Variants in NOL4 observed in about 807,000 individuals in gnomAD.
NOL4 encodes the protein cancer/testis antigen 125.
NOL4 carries 17 observed loss-of-function variants against 75.9 expected under a neutral mutation model. The observed-to-expected ratio is 0.22, with a 90% CI of 0.15 to 0.34. NOL4 has a LOEUF of 0.34. Among genes scored for constraint, NOL4 ranks in the 10% least tolerant of loss-of-function variants. The pLI is 1.00. For missense variants in NOL4, 614 were observed against 793.5 expected (o/e 0.77, Z 2.72); for synonymous variants, 292 against 289.9 (o/e 1.01, Z -0.07).
chr18:34,024,839 T>C (rs2075269090), intron 5 of NOL4, among the ~76,000 whole-genome samples: 1 of 152,204 alleles, frequency 6.6e-6, no homozygotes, highest in Non-Finnish European at 1.5e-5. Context: ...GTAGGATCCA[T>C]GTGGGCACTA....
At chr18:33,937,839 G>A (rs1230938317) in intron 9 of NOL4, among the ~76,000 whole-genome samples, 3 of 152,124 alleles carry the variant, frequency 2.0e-5, no homozygotes, top group Non-Finnish European at 2.9e-5. Flanking sequence ...TGCATAAACA[G>A]CTCTCCAGAT....
At chr18:33,983,649 C>T (rs1201374439) in intron 6 of NOL4, among the ~76,000 whole-genome samples, 1 of 148,546 alleles carries the variant, frequency 6.7e-6, no homozygotes, top group African/African-American at 2.5e-5. Flanking sequence ...TATGTATATA[C>T]ACATATACAC....
In NOL4 at chr18:34,104,133, T is replaced by A. The variant is rs765806668; in HGVS notation, c.553A>T (p.Thr185Ser). The A allele has an allele frequency of 6.2e-7, 1 of 1,611,084 alleles. No individual in the cohort carries two copies. The highest frequency in any genetic ancestry group is 1.7e-5 in the Admixed American group (1 of 59,894). Reference sequence around the variant, plus strand: ...GGCATGTTGTAGTCAATCATGCTGGTCACCAAAGTGGGAGGTTTTCCATTA... The same window carrying A: ...GGCATGTTGTAGTCAATCATGCTGGACACCAAAGTGGGAGGTTTTCCATTA... ...KDNGKPPTLVTSMIDYNMPIT... is the reference protein window; with the variant it reads ...KDNGKPPTLVSSMIDYNMPIT... Residue 185 changes from threonine (T) to serine (S), a missense_variant, in exon 4 of 11, where the codon ACC becomes TCC. Transcript: ENST00000261592.
At chr18:34,169,476 A>C (rs2032799226) in intron 1 of NOL4, among the ~76,000 whole-genome samples, 2 of 151,842 alleles carry the variant, frequency 1.3e-5, no homozygotes, top group South Asian at 2.1e-4. Context: ...GAAAAAAAAA[A>C]AAAACAGCAA....
At chr18:34,029,487 TA>T (rs1325981170) in intron 5 of NOL4, among the ~76,000 whole-genome samples, 1 of 152,218 alleles carries the variant, frequency 6.6e-6, no homozygotes, top group Non-Finnish European at 1.5e-5. Context: ...CACAGGGGCA[TA>T]TCCTTGGCTC....
In NOL4 at chr18:33,882,560, G is replaced by C. The variant is rs1489178924; in HGVS notation, c.1723+684C>G. On this transcript the variant is annotated intron_variant, in intron 10 of 10. Coordinates refer to ENST00000261592, the MANE Select transcript of NOL4 (RefSeq NM_003787.5). Reference sequence around the variant, plus strand: ...TCATTAAAAAGTCAGGAAACAACAGGTGCTGGAGAGGATGTGGAGAAATAG... The same window carrying C: ...TCATTAAAAAGTCAGGAAACAACAGCTGCTGGAGAGGATGTGGAGAAATAG... 7.7e-3 allele frequency among the ~76,000 whole-genome samples: 1,154 copies of C among 150,334 alleles called. 11 individuals carry two copies. Among genetic ancestry groups the C allele is most frequent in the African/African-American group, 0.026 (1,070 of 40,948 alleles).
chr18:34,119,156 C>T lies in NOL4; in HGVS notation c.414+10715G>A, dbSNP rs182769129. Among the ~76,000 whole-genome samples the T allele has an allele frequency of 7.6e-4, 115 of 152,286 alleles. 4 individuals are homozygous for T. Among genetic ancestry groups the T allele is most frequent in the Admixed American group, 7.3e-3 (112 of 15,298 alleles). On this transcript the variant is annotated intron_variant, in intron 2 of 10. Coordinates refer to ENST00000261592, the MANE Select transcript of NOL4 (RefSeq NM_003787.5). Reference sequence around the variant, plus strand: ...AACAATCAGTTAGACAAAAGACAGACATACTGGCCTGCCTAAACAAATTTG... The same window carrying T: ...AACAATCAGTTAGACAAAAGACAGATATACTGGCCTGCCTAAACAAATTTG...
At chr18:34,003,934 T>A (rs1276406581) in intron 6 of NOL4, among the ~76,000 whole-genome samples, 1 of 152,032 alleles carries the variant, frequency 6.6e-6, no homozygotes, top group East Asian at 1.9e-4. Context: ...CTGACCAGCA[T>A]TAACATCAAA....
At chr18:34,043,842 T>C (rs564913381) in intron 5 of NOL4, among the ~76,000 whole-genome samples, 2 of 152,168 alleles carry the variant, frequency 1.3e-5, no homozygotes, top group South Asian at 2.1e-4. Flanking sequence ...CGAAAACATA[T>C]AGGCCTGAAT....
chr18:33,917,565 A>C (rs1291715744), intron 9 of NOL4, among the ~76,000 whole-genome samples: 2 of 152,092 alleles, frequency 1.3e-5, no homozygotes, highest in African/African-American at 4.8e-5. Flanking sequence ...GTGTAATCAT[A>C]GCTCACTGCA....
At chr18:34,201,573 A>G (rs1346909345) in intron 1 of NOL4, among the ~76,000 whole-genome samples, 1 of 151,902 alleles carries the variant, frequency 6.6e-6, no homozygotes, top group Non-Finnish European at 1.5e-5. Context: ...GATACTTTTC[A>G]TCTGCATCCT....
chr18:34,223,884 G>C lies in NOL4; in HGVS notation c.-631C>G, dbSNP rs1172451787. ...ACCTTCCCCACGACGGGTGTTAAGG[G>C]ACTAGAAAGAGAAAGTTCTTACCTG... is the stretch of plus-strand genomic sequence containing the variant. On this transcript the variant is annotated 5_prime_UTR_variant, in exon 1 of 11. Transcript: ENST00000261592. 2 of 152,334 alleles carry C rather than the reference G, an allele frequency of 1.3e-5. No homozygotes were observed. Among genetic ancestry groups the C allele is most frequent in the Non-Finnish European group, 2.9e-5 (2 of 68,142 alleles). 9.4% of individuals were successfully genotyped at this position (152,334 alleles called of 1,614,324 possible). A position where few individuals can be genotyped will look rare whatever the true frequency, so the allele number is the denominator to read the frequency against.
chr18:34,190,701 ATTAT>A (rs2034849595), intron 1 of NOL4, among the ~76,000 whole-genome samples: 1 of 151,528 alleles, frequency 6.6e-6, no homozygotes, highest in Non-Finnish European at 1.5e-5. Flanking sequence ...TTAGGTTTTG[ATTAT>A]TTATAATTTA....
chr18:33,913,444 A>G (rs1424799563), intron 9 of NOL4, among the ~76,000 whole-genome samples: 2 of 152,168 alleles, frequency 1.3e-5, no homozygotes, highest in African/African-American at 4.8e-5. Context: ...TCCTAACGAT[A>G]CTATATTTCA....
At chr18:34,047,449 T>C (rs919011788) in intron 5 of NOL4, among the ~76,000 whole-genome samples, 8 of 152,108 alleles carry the variant, frequency 5.3e-5, no homozygotes, top group Admixed American at 3.3e-4. Flanking sequence ...TGTAGCCTGA[T>C]ACAATTTTCA....
At chr18:33,869,266 G>A (rs908459798) in intron 10 of NOL4, among the ~76,000 whole-genome samples, 5 of 151,900 alleles carry the variant, frequency 3.3e-5, no homozygotes, top group Admixed American at 3.3e-4. Flanking sequence ...TGATCCATTT[G>A]TTTTTAAACT....
intron 6 of NOL4, among the ~76,000 whole-genome samples, chr18:33,976,409 G>A (rs1252050011): frequency 6.6e-6 from 1 of 152,104 alleles, no homozygotes; most frequent in African/African-American, 2.4e-5. Context: ...ACCAATTTAA[G>A]TTTAAAATGT....
At position 34,153,435 on chromosome 18, in the gene NOL4, C is replaced by T. The variant is rs536066066; in HGVS notation, c.265-23415G>A. ...TTTGTTGAGTGCTTAATATGTACTC[C>T]AGACTGCTAAACACTTTACAAGTAT... On this transcript the variant is annotated intron_variant, in intron 1 of 10. Coordinates refer to ENST00000261592, the MANE Select transcript of NOL4 (RefSeq NM_003787.5). Among the ~76,000 whole-genome samples, 4 of 151,976 alleles carry T rather than the reference C, an allele frequency of 2.6e-5. No homozygotes were observed. In the East Asian group the frequency reaches 7.7e-4, roughly 29 times the overall value.
intron 10 of NOL4, among the ~76,000 whole-genome samples, chr18:33,881,177 G>T (rs2064245705): frequency 6.6e-6 from 1 of 150,928 alleles, no homozygotes; most frequent in South Asian, 2.1e-4. Flanking sequence ...GTCTGTTGCT[G>T]GTGTATAAGA....
Sources: allele counts gnomAD v4.1 joint callset (sites outside exome capture counted in the v4.1 genomes callset), GRCh38; gene constraint gnomAD v4.1.1; transcripts MANE v1.5; gene names NCBI Gene and HGNC (gene_info 2026-07-23, HGNC 2026-07-21).